PDE1C: variants seen among roughly 807,000 people sequenced by gnomAD.
PDE1C encodes dual specificity calcium/calmodulin-dependent 3',5'-cyclic nucleotide phosphodiesterase 1C.
In PDE1C, 62 loss-of-function variants were observed where a neutral mutation model predicts 93.1. The ratio of observed to expected loss-of-function variants is 0.67; its 90% CI spans 0.54 to 0.82. The LOEUF (loss-of-function observed/expected upper bound fraction) is 0.82. PDE1C is among the 40% of genes least tolerant of loss of function. The pLI, the probability that PDE1C is intolerant of heterozygous loss-of-function variation, is 0.00. For synonymous variants in PDE1C, 325 were observed against 310.1 expected, an observed-to-expected ratio of 1.05 and a Z score of -0.50; for missense variants, 742 against 884.6, an observed-to-expected ratio of 0.84 and a Z score of 2.04.
chr7:32,205,441 G>C (rs1584953558), intron 2 of PDE1C, among the ~76,000 whole-genome samples: 1 of 152,090 alleles, frequency 6.6e-6, no homozygotes, highest in Non-Finnish European at 1.5e-5. Flanking sequence ...TCTGGCTAAA[G>C]GTTTGTAAAT....
chr7:32,220,291 C>T (rs1806751933), intron 1 of PDE1C, among the ~76,000 whole-genome samples: 1 of 152,176 alleles, frequency 6.6e-6, no homozygotes, highest in Admixed American at 6.5e-5. Flanking sequence ...CTTCCTCATG[C>T]CAGGCACCAG....
At chr7:32,225,692 G>C (rs1428661467) in intron 1 of PDE1C, among the ~76,000 whole-genome samples, 4 of 152,166 alleles carry the variant, frequency 2.6e-5, no homozygotes, top group Non-Finnish European at 5.9e-5. Context: ...AAAAACCAAG[G>C]AGGTGCACAG....
chr7:32,257,506 G>T (rs186605433), intron 1 of PDE1C, among the ~76,000 whole-genome samples: 1 of 152,300 alleles, frequency 6.6e-6, no homozygotes. Context: ...GGTGGATAAT[G>T]ATTGTACCTA....
chr7:31,731,831 G>A, the PDE1C span, among the ~76,000 whole-genome samples: 4 of 152,218 alleles, frequency 2.6e-5, no homozygotes, highest in African/African-American at 9.6e-5. Flanking sequence ...GAGAGGACAG[G>A]GTTGAGGAGA....
intron 2 of PDE1C, among the ~76,000 whole-genome samples, chr7:31,909,721 T>C (rs1010212272): frequency 1.1e-4 from 16 of 152,168 alleles, no homozygotes; most frequent in Non-Finnish European, 2.1e-4. Flanking sequence ...AATTGAAATA[T>C]AGTATTATCA....
At chr7:31,623,858 A>G in the PDE1C span, among the ~76,000 whole-genome samples, 32,974 of 152,122 alleles carry the variant, frequency 0.22, 3,801 homozygotes, top group South Asian at 0.32. Context: ...ATATGATTTT[A>G]TATGTAGAAA....
chr7:31,688,706 AAAGG>A, the PDE1C span, among the ~76,000 whole-genome samples: 1 of 152,226 alleles, frequency 6.6e-6, no homozygotes. Context: ...TCCCTTGTGA[AAAGG>A]AAGGTAAGGA....
Position 32,035,763 on chromosome 7 carries a change from A to G in PDE1C, c.128+15791T>C, listed in dbSNP as rs374420407. On this transcript the variant is annotated intron_variant, in intron 2 of 17. Transcript: ENST00000396191. ...AAGAGACCCAGGAGCTCGAAATCCT[A>G]GCAGTATGAATCATCTCTGTCCAAG... 3.9e-5 allele frequency among the ~76,000 whole-genome samples: 6 copies of G among 152,290 alleles called. No individual in the cohort carries two copies. In the East Asian group the frequency reaches 9.7e-4, roughly 25 times the overall value.
At chr7:32,402,179 G>A (rs1055283957) in intron 1 of PDE1C, among the ~76,000 whole-genome samples, 3 of 151,974 alleles carry the variant, frequency 2.0e-5, no homozygotes, top group East Asian at 1.9e-4. Flanking sequence ...CATTCTACTG[G>A]CTCCATACTC....
intron 2 of PDE1C, among the ~76,000 whole-genome samples, chr7:31,925,651 T>G (rs1211509199): frequency 6.6e-6 from 1 of 152,218 alleles, no homozygotes; most frequent in Non-Finnish European, 1.5e-5. Context: ...GGAGACAATT[T>G]GCATCATAAT....
At chr7:31,799,714 A>G (rs1785756315) in intron 16 of PDE1C, among the ~76,000 whole-genome samples, 1 of 151,760 alleles carries the variant, frequency 6.6e-6, no homozygotes, top group South Asian at 2.1e-4. Context: ...TGTACGCAAT[A>G]ACCCTTTTGA....
intron 2 of PDE1C, among the ~76,000 whole-genome samples, chr7:32,206,797 G>A (rs926075109): frequency 1.3e-5 from 2 of 152,236 alleles, no homozygotes; most frequent in Admixed American, 1.3e-4. Flanking sequence ...CCTTGTGATA[G>A]ATGCCATTCT....
chr7:32,064,292 T>C (rs11770184), intron 1 of PDE1C, among the ~76,000 whole-genome samples: 10,871 of 152,192 alleles, frequency 0.071, 429 homozygotes, highest in African/African-American at 0.083. Context: ...AACATATCTA[T>C]ACCCAAGTTT....
chr7:31,660,685 T>G, the PDE1C span, among the ~76,000 whole-genome samples: 2 of 152,192 alleles, frequency 1.3e-5, no homozygotes, highest in African/African-American at 4.8e-5. Context: ...TCTTCTGATA[T>G]CTTCATCTTT....
Position 32,268,643 on chromosome 7 carries a change from C to T in PDE1C, c.85+30008G>A, listed in dbSNP as rs763478313. On this transcript the variant is annotated intron_variant, in intron 1 of 18. Coordinates refer to the PDE1C transcript ENST00000396193. ...AGAGAAAATGAGGGAAAATTGCCTACGGTGAAATTCATTAGGTTGTTTTTA... is the reference window on the plus strand; with the variant it reads ...AGAGAAAATGAGGGAAAATTGCCTATGGTGAAATTCATTAGGTTGTTTTTA... Among the ~76,000 whole-genome samples, 6 of 152,056 alleles carry T rather than the reference C, an allele frequency of 3.9e-5. No homozygotes were observed. The East Asian group carries it at 5.8e-4, about 15-fold the overall frequency.
At chr7:32,213,453 A>G (rs1216327451) in intron 1 of PDE1C, among the ~76,000 whole-genome samples, 2 of 152,210 alleles carry the variant, frequency 1.3e-5, no homozygotes, top group Non-Finnish European at 2.9e-5. Flanking sequence ...TAAAGGGCTT[A>G]AAGACTGAAA....
intron 1 of PDE1C, among the ~76,000 whole-genome samples, chr7:32,242,855 T>C (rs1296056650): frequency 6.6e-6 from 1 of 152,152 alleles, no homozygotes. Context: ...GGCCATTCAG[T>C]GAAAATGTTG....
intron 2 of PDE1C, among the ~76,000 whole-genome samples, chr7:32,012,330 A>T (rs1000947179): frequency 2.0e-5 from 3 of 152,146 alleles, no homozygotes; most frequent in Admixed American, 1.3e-4. Context: ...TGGAGATACC[A>T]GACTGTTTTA....
chr7:32,379,056 C>T (rs558633910), intron 1 of PDE1C, among the ~76,000 whole-genome samples: 3 of 152,288 alleles, frequency 2.0e-5, no homozygotes, highest in South Asian at 2.1e-4. Flanking sequence ...ACTTACAATG[C>T]GTTCTCTGGC....
Sources: gnomAD v4.1 joint callset for allele counts (sites outside exome capture counted in the v4.1 genomes callset) on GRCh38, gnomAD v4.1.1 for gene constraint, MANE v1.5 for transcripts, NCBI Gene and HGNC (gene_info 2026-07-23, HGNC 2026-07-21) for gene names.